The following THSD4 variants were observed in gnomAD, a reference collection of about 807,000 sequenced individuals.
THSD4 encodes thrombospondin type-1 domain-containing protein 4.
In THSD4, 69 loss-of-function variants were observed where a neutral mutation model predicts 119.0. That is an observed-to-expected ratio of 0.58 (90% CI 0.48 to 0.71). THSD4 has a LOEUF of 0.71. Among genes scored for constraint, THSD4 ranks in the 30% least tolerant of loss-of-function variants. The pLI, the probability that THSD4 is intolerant of heterozygous loss-of-function variation, is 0.00. For synonymous variants in THSD4, 524 were observed against 540.4 expected, an observed-to-expected ratio of 0.97 and a Z score of 0.42; for missense variants, 1,393 against 1,391.1, an observed-to-expected ratio of 1.00 and a Z score of -0.02.
intron 15 of THSD4, among the ~76,000 whole-genome samples, chr15:71,761,682 C>T (rs949522565): frequency 5.3e-5 from 8 of 152,288 alleles, no homozygotes; most frequent in African/African-American, 1.9e-4. Flanking sequence ...GGTGTCTTTG[C>T]CAGCTCCTTC....
intron 6 of THSD4, among the ~76,000 whole-genome samples, chr15:71,360,694 T>C (rs947945850): frequency 1.3e-5 from 2 of 152,234 alleles, no homozygotes; most frequent in African/African-American, 4.8e-5. Context: ...CATGTATTCA[T>C]AGATCCAAGA....
At chr15:71,596,040 A>T (rs907232424) in intron 7 of THSD4, among the ~76,000 whole-genome samples, 1 of 152,198 alleles carries the variant, frequency 6.6e-6, no homozygotes. Flanking sequence ...TTCCAGCAAA[A>T]GTTCAGTTTT....
At chr15:71,518,322 A>T (rs1340154876) in intron 7 of THSD4, among the ~76,000 whole-genome samples, 6 of 152,030 alleles carry the variant, frequency 3.9e-5, no homozygotes, top group African/African-American at 1.4e-4. Flanking sequence ...CAGCTTTAAA[A>T]CGTTAAATAT....
chr15:71,780,377 T>C lies in THSD4; in HGVS notation c.*3003T>C, dbSNP rs2053978523. ...AAGTCCAAACAAAAATAGTTTGCCG[T>C]TTTACTTTCATCCATTGAAAAAGGA... On this transcript the variant is annotated 3_prime_UTR_variant, in exon 18 of 18. Coordinates refer to ENST00000261862, the MANE Select transcript of THSD4 (RefSeq NM_024817.3). The C allele has an allele frequency of 5.7e-6, 1 of 176,494 alleles. No homozygotes were observed. Among genetic ancestry groups the C allele is most frequent in the South Asian group, 1.4e-4 (1 of 7,392 alleles). The allele number at this position is 176,494 out of a possible 1,614,324, so 10.9% of individuals were successfully genotyped here. A position where few individuals can be genotyped will look rare whatever the true frequency, so the allele number is the denominator to read the frequency against.
At chr15:71,365,214 C>G (rs981892062) in intron 6 of THSD4, among the ~76,000 whole-genome samples, 1 of 146,360 alleles carries the variant, frequency 6.8e-6, no homozygotes, top group African/African-American at 2.5e-5. Flanking sequence ...AGCCAATGAC[C>G]CATGTGATTG....
intron 6 of THSD4, among the ~76,000 whole-genome samples, chr15:71,337,537 G>A (rs564026225): frequency 6.6e-6 from 1 of 152,372 alleles, no homozygotes; most frequent in East Asian, 1.9e-4. Context: ...GGATAAACAG[G>A]TCTGGCCTGA....
intron 6 of THSD4, among the ~76,000 whole-genome samples, chr15:71,368,436 G>T (rs79171040): frequency 0.16 from 24,619 of 151,908 alleles, 2,235 homozygotes; most frequent in Admixed American, 0.24. Flanking sequence ...TTTAAGTCTT[G>T]AATCCATCTT....
intron 7 of THSD4, among the ~76,000 whole-genome samples, chr15:71,650,690 CAT>C (rs1352286150): frequency 6.6e-6 from 1 of 152,100 alleles, no homozygotes; most frequent in African/African-American, 2.4e-5. Context: ...CCGGGTACAA[CAT>C]AGCAGTAATG....
At chr15:71,430,299 A>G (rs1446380839) in intron 7 of THSD4, among the ~76,000 whole-genome samples, 2 of 152,226 alleles carry the variant, frequency 1.3e-5, no homozygotes, top group Admixed American at 6.5e-5. Flanking sequence ...CATTTCTACC[A>G]AAGATACTCA....
At position 71,323,576 on chromosome 15, in the gene THSD4, G is replaced by C. The variant is rs768110052; in HGVS notation, c.1015+66861G>C. On this transcript the variant is annotated intron_variant, in intron 6 of 17. Transcript: ENST00000261862. ...TAGTCATCTTGAGCTTAAAGCTGTG[G>C]GTGCCAGAGCAGATCCTTATCATTA... Among the ~76,000 whole-genome samples, 3 of 152,304 alleles carry C rather than the reference G, an allele frequency of 2.0e-5. No homozygotes were observed. In the East Asian group the frequency reaches 5.8e-4, roughly 29 times the overall value.
chr15:71,555,328 G>A (rs2049001436), intron 7 of THSD4, among the ~76,000 whole-genome samples: 1 of 152,128 alleles, frequency 6.6e-6, no homozygotes, highest in Admixed American at 6.5e-5. Flanking sequence ...TATCAGACAG[G>A]TTAATTTTTA....
At chr15:71,172,635 A>AGGCAACTAGATAAT (rs2043380954) in intron 3 of THSD4, among the ~76,000 whole-genome samples, 1 of 124,194 alleles carries the variant, frequency 8.1e-6, no homozygotes, top group Admixed American at 8.7e-5. Flanking sequence ...GTGTAAAGAT[A>AGGCAACTAGATAAT]GGCAAATAGA....
intron 3 of THSD4, among the ~76,000 whole-genome samples, chr15:71,208,603 CT>C (rs1455669414): frequency 6.6e-6 from 1 of 151,976 alleles, no homozygotes; most frequent in African/African-American, 2.4e-5. Flanking sequence ...TCTCTGCCCC[CT>C]GGGCTCAAGT....
chr15:71,713,626 G>A (rs758820835), intron 8 of THSD4, among the ~76,000 whole-genome samples: 6 of 152,148 alleles, frequency 3.9e-5, no homozygotes, highest in Non-Finnish European at 7.3e-5. Flanking sequence ...TATCATTAGG[G>A]AGGAATCAGA....
intron 6 of THSD4, chr15:71,341,691 G>T: frequency 7.6e-7 from 1 of 1,315,030 alleles, no homozygotes; most frequent in Non-Finnish European, 1.1e-6. Flanking sequence ...GGGTTCTCCG[G>T]GTCAAGTGAA....
At chr15:71,771,247 T>C (rs774757744) in intron 17 of THSD4, 39 bp downstream of exon 17, 22 of 1,609,002 alleles carry the variant, frequency 1.4e-5, no homozygotes, top group Non-Finnish European at 1.8e-5. Flanking sequence ...AGGTTTGTGT[T>C]TTTTAAGCTT....
chr15:71,603,601 A>G (rs143347923), intron 7 of THSD4, among the ~76,000 whole-genome samples: 285 of 152,322 alleles, frequency 1.9e-3, no homozygotes, highest in Non-Finnish European at 2.9e-3. Flanking sequence ...GGGGAATCCT[A>G]ATATGGAGGC....
intron 7 of THSD4, among the ~76,000 whole-genome samples, chr15:71,531,329 C>T (rs1033299395): frequency 3.3e-5 from 5 of 152,250 alleles, no homozygotes; most frequent in Admixed American, 2.6e-4. Flanking sequence ...TCATTCTACT[C>T]AAGATGTGGA....
At chr15:71,365,173 G>C (rs2045944663) in intron 6 of THSD4, among the ~76,000 whole-genome samples, 1 of 150,946 alleles carries the variant, frequency 6.6e-6, no homozygotes, top group African/African-American at 2.4e-5. Flanking sequence ...GTGTATGAGA[G>C]AGAGAAAGAC....
Sources: allele counts gnomAD v4.1 joint callset (sites outside exome capture counted in the v4.1 genomes callset), GRCh38; gene constraint gnomAD v4.1.1; transcripts MANE v1.5; gene names NCBI Gene and HGNC (gene_info 2026-07-23, HGNC 2026-07-21).